The following VEZT variants were observed in gnomAD, a reference collection of about 807,000 sequenced individuals.
VEZT encodes vezatin, adherens junctions transmembrane protein, also known as vezatin.
A neutral mutation model predicts 79.9 loss-of-function variants in VEZT; 39 were observed. The ratio of observed to expected loss-of-function variants is 0.49; its 90% confidence interval spans 0.38 to 0.64. The LOEUF (loss-of-function observed/expected upper bound fraction) is 0.64. Ranked by LOEUF, VEZT falls within the 30% of genes least tolerant of loss-of-function variation. The pLI is 0.00. For missense variants in VEZT, 837 were observed against 893.1 expected (o/e 0.94, Z 0.80); for synonymous variants, 325 against 327.6 (o/e 0.99, Z 0.09).
At chr12:95,235,998 G>T (rs1291417123) in intron 1 of VEZT, among the ~76,000 whole-genome samples, 1 of 152,010 alleles carries the variant, frequency 6.6e-6, no homozygotes, top group Non-Finnish European at 1.5e-5. Context: ...GGGCAGAGAC[G>T]CTCCTCACTT....
chr12:95,227,300 A>G (rs1205459363), intron 1 of VEZT, among the ~76,000 whole-genome samples: 1 of 150,642 alleles, frequency 6.6e-6, no homozygotes, highest in Non-Finnish European at 1.5e-5. Context: ...AGCTGGGACT[A>G]CAGGCATGTG....
At chr12:95,241,189 C>A (rs535240064) in intron 1 of VEZT, among the ~76,000 whole-genome samples, 3 of 151,998 alleles carry the variant, frequency 2.0e-5, no homozygotes, top group Non-Finnish European at 4.4e-5. Flanking sequence ...TGCACCACCA[C>A]GCCCGGCTAA....
chr12:95,278,788 G>A (rs1456217460), intron 7 of VEZT, among the ~76,000 whole-genome samples: 1 of 152,196 alleles, frequency 6.6e-6, no homozygotes, highest in Non-Finnish European at 1.5e-5. Flanking sequence ...TCTTATCCAG[G>A]CCTGGCACCG....
intron 2 of VEZT, 34 bp downstream of exon 2, chr12:95,252,105 C>G: frequency 1.3e-6 from 2 of 1,589,582 alleles, no homozygotes; most frequent in Non-Finnish European, 1.7e-6. Context: ...CTGGCCGAAT[C>G]TTTTGCACTT....
At chr12:95,218,620 A>G (rs2057084700) in intron 1 of VEZT, 1 of 152,228 alleles carries the variant, frequency 6.6e-6, no homozygotes, top group Admixed American at 6.5e-5. Flanking sequence ...CCCTGTACGT[A>G]TGTGTATTGC....
intron 3 of VEZT, among the ~76,000 whole-genome samples, chr12:95,260,121 T>C (rs1296527163): frequency 1.4e-5 from 2 of 146,026 alleles, no homozygotes; most frequent in Admixed American, 1.3e-4. Flanking sequence ...TTTTTTTTTT[T>C]TTGAGACAGA....
chr12:95,243,098 C>A (rs542600468), intron 1 of VEZT, among the ~76,000 whole-genome samples: 72 of 152,054 alleles, frequency 4.7e-4, no homozygotes, highest in African/African-American at 1.7e-3. Context: ...CATGGCCAGG[C>A]CTGGTGGCTT....
chr12:95,224,067 T>C (rs1193045363), intron 1 of VEZT: 6 of 421,990 alleles, frequency 1.4e-5, no homozygotes, highest in Non-Finnish European at 2.9e-5. Context: ...AGTTGAGGGA[T>C]TGATGTTATC....
intron 4 of VEZT, among the ~76,000 whole-genome samples, chr12:95,264,872 T>TC (rs1453587506): frequency 1.8e-5 from 2 of 113,340 alleles, no homozygotes; most frequent in East Asian, 3.6e-4. Flanking sequence ...TTCTTTTCTT[T>TC]TTTTTTTTTT....
At chr12:95,240,389 A>C (rs1392887471) in intron 1 of VEZT, among the ~76,000 whole-genome samples, 3 of 152,202 alleles carry the variant, frequency 2.0e-5, no homozygotes, top group Admixed American at 6.5e-5. Flanking sequence ...ACTGAAGTTC[A>C]GTTAGATGAG....
intron 6 of VEZT, among the ~76,000 whole-genome samples, chr12:95,273,255 A>G (rs2066994199): frequency 6.6e-6 from 1 of 152,212 alleles, no homozygotes. Context: ...AAAAACACAA[A>G]GTGCACGGAT....
chr12:95,222,003 T>C (rs935485957), intron 1 of VEZT, among the ~76,000 whole-genome samples: 3 of 152,218 alleles, frequency 2.0e-5, no homozygotes, highest in Non-Finnish European at 2.9e-5. Context: ...GCAAATACTA[T>C]GCCATTTTAT....
At chr12:95,294,988 T>G (rs1594229144) in intron 10 of VEZT, among the ~76,000 whole-genome samples, 1 of 152,156 alleles carries the variant, frequency 6.6e-6, no homozygotes, top group African/African-American at 2.4e-5. Flanking sequence ...GATGCTAGGG[T>G]AAACAGCCAA....
intron 1 of VEZT, among the ~76,000 whole-genome samples, chr12:95,238,551 A>G (rs978546868): frequency 1.3e-5 from 2 of 152,126 alleles, no homozygotes; most frequent in African/African-American, 4.8e-5. Flanking sequence ...CACCATATTT[A>G]TATGCTAAAA....
chr12:95,220,312 G>C (rs2057372526), intron 1 of VEZT, among the ~76,000 whole-genome samples: 1 of 152,062 alleles, frequency 6.6e-6, no homozygotes, highest in African/African-American at 2.4e-5. Flanking sequence ...AAAATTATTT[G>C]GGCGTGGTGG....
chr12:95,257,735 A>G (rs1281837058), intron 3 of VEZT, among the ~76,000 whole-genome samples: 1 of 152,202 alleles, frequency 6.6e-6, no homozygotes, highest in Non-Finnish European at 1.5e-5. Context: ...TAGCCTAAAA[A>G]TTCAAGTTAT....
chr12:95,293,710 A>G (rs7309251), intron 9 of VEZT: 7,138 of 154,506 alleles, frequency 0.046, 233 homozygotes, highest in East Asian at 0.14. Context: ...GGTGTGTACC[A>G]GATACTGTGA....
chr12:95,274,625 A>G lies in VEZT; in HGVS notation c.849-117A>G, dbSNP rs374689989. Reference sequence around the variant, plus strand: ...TTAATTTGTGTTTAAAAACTGCTGTAAACCTCCTCATCCAAAAGTTCAGAA... The same window carrying G: ...TTAATTTGTGTTTAAAAACTGCTGTGAACCTCCTCATCCAAAAGTTCAGAA... On this transcript the variant is annotated intron_variant, in intron 6 of 11. Coordinates refer to ENST00000436874, the MANE Select transcript of VEZT (RefSeq NM_017599.4). The G allele has an allele frequency of 1.8e-4, 204 of 1,114,572 alleles. No homozygotes were observed. In the East Asian group the frequency reaches 2.6e-3, roughly 14 times the overall value. The allele number at this position is 1,114,572 out of a possible 1,614,324, so 69.0% of individuals were successfully genotyped here.
At chr12:95,223,734 A>G (rs2057974354) in intron 1 of VEZT, among the ~76,000 whole-genome samples, 1 of 152,206 alleles carries the variant, frequency 6.6e-6, no homozygotes, top group Non-Finnish European at 1.5e-5. Context: ...TACAGATGTG[A>G]GCCACCGTGC....
Sources: allele counts gnomAD v4.1 joint callset (sites outside exome capture counted in the v4.1 genomes callset), GRCh38; gene constraint gnomAD v4.1.1; transcripts MANE v1.5; gene names NCBI Gene and HGNC (gene_info 2026-07-23, HGNC 2026-07-21).